AHSG: variants seen among roughly 807,000 people sequenced by gnomAD.
AHSG encodes alpha-2-HS-glycoprotein.
Under a neutral mutation model 30.1 loss-of-function variants are expected in AHSG, and 23 were observed. That is an observed-to-expected ratio of 0.76 (90% CI 0.55 to 1.08). AHSG has a LOEUF of 1.08. Among genes scored for constraint, AHSG ranks in the 50% least tolerant of loss-of-function variants. The pLI is 0.00. For missense variants in AHSG, 469 were observed against 459.5 expected, an observed-to-expected ratio of 1.02 and a Z score of -0.19; for synonymous variants, 164 against 186.3, an observed-to-expected ratio of 0.88 and a Z score of 0.98.
intron 1 of AHSG, 56 bp downstream of exon 1, chr3:186,613,410 G>C: frequency 6.8e-7 from 1 of 1,468,930 alleles, no homozygotes; most frequent in South Asian, 1.3e-5. Context: ...GCTCAATCAG[G>C]TGCCTCAAAA....
intron 5 of AHSG, among the ~76,000 whole-genome samples, chr3:186,619,630 CCTT>C (rs1716415617): frequency 6.6e-6 from 1 of 152,056 alleles, no homozygotes. Flanking sequence ...TGTTAACAGT[CCTT>C]CTTTCTAGGC....
intron 1 of AHSG, among the ~76,000 whole-genome samples, chr3:186,614,792 G>C (rs1480314237): frequency 6.6e-6 from 1 of 152,194 alleles, no homozygotes; most frequent in Non-Finnish European, 1.5e-5. Flanking sequence ...GCTTCTCCCA[G>C]GGGAGGGGAT....
intron 1 of AHSG, among the ~76,000 whole-genome samples, chr3:186,614,983 A>G (rs1716253218): frequency 2.6e-5 from 4 of 152,212 alleles, no homozygotes; most frequent in Admixed American, 1.3e-4. Context: ...TCGTGTCTAC[A>G]CTAGTGACAT....
At chr3:186,619,016 G>A (rs57492182) in intron 5 of AHSG, among the ~76,000 whole-genome samples, 148 of 152,312 alleles carry the variant, frequency 9.7e-4, no homozygotes, top group African/African-American at 3.5e-3. Flanking sequence ...GTCATCAGTG[G>A]CCAGGCATGA....
At chr3:186,614,721 C>A (rs1716242905) in intron 1 of AHSG, among the ~76,000 whole-genome samples, 2 of 152,180 alleles carry the variant, frequency 1.3e-5, no homozygotes, top group African/African-American at 4.8e-5. Context: ...TCCTGTTCGC[C>A]AGAGCTGTGA....
chr3:186,615,649 A>C, intron 1 of AHSG, 36 bp from the exon 2 acceptor site: 1 of 1,556,604 alleles, frequency 6.4e-7, no homozygotes, highest in Non-Finnish European at 8.9e-7. Flanking sequence ...GATCAGGGGA[A>C]TAGGTTGCTC....
chr3:186,620,640 G>C lies in AHSG; in HGVS notation c.814G>C (p.Val272Leu). Residue 272 changes from valine to leucine, a missense_variant, in exon 7 of 7, where the codon GTG becomes CTG. Physicochemically the swap from Val to Leu is conservative, Grantham distance 32. Transcript: ENST00000411641. Reference protein sequence around the residue: ...EGANEAVPTPVVDPDAPPSPP... With the variant: ...EGANEAVPTPLVDPDAPPSPP... ...TGCCAATGAAGCAGTCCCCACACCCGTGGTGGACCCAGATGCACCTCCGTC... is the reference window on the plus strand; with the variant it reads ...TGCCAATGAAGCAGTCCCCACACCCCTGGTGGACCCAGATGCACCTCCGTC... The C allele has an allele frequency of 6.2e-7, 1 of 1,613,536 alleles. No homozygotes were observed. The highest frequency in any genetic ancestry group is 8.5e-7 in the Non-Finnish European group (1 of 1,179,608).
chr3:186,616,026 T>C (rs1716293892), intron 2 of AHSG, among the ~76,000 whole-genome samples: 1 of 152,070 alleles, frequency 6.6e-6, no homozygotes, highest in South Asian at 2.1e-4. Context: ...TGAAACCCCA[T>C]CTCTACTAAA....
Position 186,613,097 on chromosome 3 carries a change from G to T in AHSG, c.-45G>T, listed in dbSNP as rs375094973. On this transcript the variant is annotated 5_prime_UTR_variant, in exon 1 of 7. Coordinates refer to ENST00000411641, the MANE Select transcript of AHSG (RefSeq NM_001622.4). The stretch of plus-strand genomic sequence containing the variant: ...GCAGAGCACCTGGGTTGGTCCCGAA[G>T]CCTCCAACCACCTGCACGCCTGCCA... The T allele has an allele frequency of 6.3e-7, 1 of 1,596,430 alleles. No individual in the cohort carries two copies. The highest frequency in any genetic ancestry group is 1.1e-5 in the South Asian group (1 of 89,882).
intron 6 of AHSG, among the ~76,000 whole-genome samples, chr3:186,620,314 T>C (rs1359414833): frequency 2.0e-5 from 3 of 152,110 alleles, no homozygotes; most frequent in East Asian, 1.9e-4. Flanking sequence ...GGGTGAGCCA[T>C]AGGTGGGGTG....
intron 1 of AHSG, among the ~76,000 whole-genome samples, chr3:186,613,753 C>T (rs546645442): frequency 1.8e-4 from 27 of 152,288 alleles, no homozygotes; most frequent in African/African-American, 6.5e-4. Flanking sequence ...ATGAATAAAA[C>T]TAGCATCTGG....
In AHSG at chr3:186,615,727, G is replaced by T. The variant is rs374953444; in HGVS notation, c.256G>T (p.Glu86Ter). 8.7e-6 allele frequency: 14 copies of T among 1,614,106 alleles called. No individual in the cohort carries two copies. Among genetic ancestry groups the T allele is most frequent in the Non-Finnish European group, 1.1e-5 (13 of 1,180,054 alleles). ...GTTTGAGATTGAAATAGACACCCTG[G>T]AAACCACCTGCCATGTGCTGGACCC... Reference protein sequence around the residue: ...ELFEIEIDTLETTCHVLDPTP... With the variant: ...ELFEIEIDTL Residue 86 changes from glutamate (E) to a stop codon, truncating the protein, a stop_gained, in exon 2 of 7, where the codon GAA (glutamate) becomes TAA (stop). Transcript: ENST00000411641. LOFTEE classifies it high-confidence loss of function.
intron 4 of AHSG, among the ~76,000 whole-genome samples, chr3:186,618,232 G>A (rs977823692): frequency 6.6e-6 from 1 of 152,156 alleles, no homozygotes; most frequent in African/African-American, 2.4e-5. Context: ...ACTCCTATCA[G>A]TCTAATGCTG....
chr3:186,613,409 G>A (rs1716205108), intron 1 of AHSG, 55 bp downstream of exon 1: 2 of 1,470,284 alleles, frequency 1.4e-6, no homozygotes, highest in Non-Finnish European at 1.8e-6. Flanking sequence ...AGCTCAATCA[G>A]GTGCCTCAAA....
rs761491724 is a variant in AHSG, at chr3:186,620,910, A to G, written c.1084A>G (p.Ile362Val). ...AGTGGTTCCTCCATGTCCGGGGAGG[A>G]TCAGACACTTCAAGGTCTAGGCTAG... The part of the protein sequence containing the change: ...GPVVPPCPGR[I>V]RHFKV The change falls in exon 7 of 7, where the codon ATC (isoleucine) becomes GTC (valine). Residue 362 changes from isoleucine to valine, a missense_variant. Physicochemically the swap from Ile to Val is conservative, Grantham distance 29. Coordinates refer to ENST00000411641, the MANE Select transcript of AHSG (RefSeq NM_001622.4). 6.2e-7 allele frequency: 1 copy of G among 1,613,406 alleles called. No homozygotes were observed. The highest frequency in any genetic ancestry group is 8.5e-7 in the Non-Finnish European group (1 of 1,179,556).
chr3:186,620,363 AC>A (rs1285823918), intron 6 of AHSG, among the ~76,000 whole-genome samples: 1 of 152,206 alleles, frequency 6.6e-6, no homozygotes, highest in African/African-American at 2.4e-5. Context: ...GTCCACCATC[AC>A]AAAGACAATC....
chr3:186,618,267 T>G (rs1208816967), intron 4 of AHSG, among the ~76,000 whole-genome samples: 1 of 152,186 alleles, frequency 6.6e-6, no homozygotes, highest in Admixed American at 6.5e-5. Context: ...GTTTCCTATC[T>G]GCAAACTCAC....
At chr3:186,617,090 C>T in intron 3 of AHSG, 97 bp from the exon 4 acceptor site, 1 of 1,518,330 alleles carries the variant, frequency 6.6e-7, no homozygotes, top group South Asian at 1.3e-5. Flanking sequence ...GTGCCTGAAG[C>T]TATCTGGGGA....
chr3:186,620,001 A>C (rs1716429594), intron 6 of AHSG, 61 bp downstream of exon 6: 2 of 1,314,172 alleles, frequency 1.5e-6, no homozygotes, highest in Non-Finnish European at 2.2e-6. Context: ...CTTCACATTT[A>C]TGCAGTGCAG....
Sources: allele counts gnomAD v4.1 joint callset (sites outside exome capture counted in the v4.1 genomes callset), GRCh38; gene constraint gnomAD v4.1.1; transcripts MANE v1.5; gene names NCBI Gene and HGNC (gene_info 2026-07-23, HGNC 2026-07-21).